KMT2E: variants seen among roughly 807,000 people sequenced by gnomAD.
The protein encoded by KMT2E is histone reader KMT2E.
KMT2E carries 30 observed loss-of-function variants against 184.6 expected under a neutral mutation model. That is an observed-to-expected ratio of 0.16 (90% CI 0.12 to 0.22). The LOEUF (loss-of-function observed/expected upper bound fraction) is 0.22, where lower values mean the gene tolerates loss of function less well. Among genes scored for constraint, KMT2E ranks in the 10% least tolerant of loss-of-function variants. The pLI is 1.00. For missense variants in KMT2E, 2,023 were observed against 2,237.4 expected (o/e 0.90, Z 1.93); for synonymous variants, 815 against 776.5 (o/e 1.05, Z -0.82).
chr7:105,073,812 A>ATTGCATACTCTCT, intron 7 of KMT2E, 135 bp downstream of exon 7: 1 of 578,860 alleles, frequency 1.7e-6, no homozygotes, highest in Non-Finnish European at 3.1e-6. Context: ...TTGTACAGAG[A>ATTGCATACTCTCT]GTATGCAATC....
intron 8 of KMT2E, 149 bp downstream of exon 8, chr7:105,074,964 A>T (rs1482904728): frequency 1.7e-6 from 1 of 590,432 alleles, no homozygotes; most frequent in African/African-American, 1.9e-5. Flanking sequence ...AACTTACTTG[A>T]ACATTTTAAC....
chr7:105,015,160 C>A (rs1422327004), intron 1 of KMT2E, among the ~76,000 whole-genome samples: 1 of 152,158 alleles, frequency 6.6e-6, no homozygotes, highest in African/African-American at 2.4e-5. Flanking sequence ...TCTCCTCCCC[C>A]ACTCCTTTTG....
intron 3 of KMT2E, among the ~76,000 whole-genome samples, chr7:105,050,634 TTC>T (rs1273951865): frequency 2.1e-5 from 3 of 139,990 alleles, no homozygotes; most frequent in South Asian, 4.5e-4. Flanking sequence ...TTCTTTTCTT[TTC>T]TCTTTTCTTT....
At position 105,053,145 on chromosome 7, in the gene KMT2E, C is replaced by T. The variant is rs953299562; in HGVS notation, c.72-9019C>T. Among the ~76,000 whole-genome samples, 32 of 152,010 alleles carry T rather than the reference C, an allele frequency of 2.1e-4. No homozygotes were observed. In the East Asian group the frequency reaches 5.4e-3, roughly 26 times the overall value. On this transcript the variant is annotated intron_variant, in intron 3 of 26. Coordinates refer to ENST00000311117, the MANE Select transcript of KMT2E (RefSeq NM_182931.3). Reference sequence around the variant, plus strand: ...TATTGAATGCTAAGTTTTTTTAAGTCGCGGTTTTGGTTAATACCTGTTTTG... The same window carrying T: ...TATTGAATGCTAAGTTTTTTTAAGTTGCGGTTTTGGTTAATACCTGTTTTG...
At chr7:105,044,161 TAGTG>T (rs1241601818) in intron 3 of KMT2E, among the ~76,000 whole-genome samples, 1 of 152,186 alleles carries the variant, frequency 6.6e-6, no homozygotes, top group African/African-American at 2.4e-5. Flanking sequence ...TTTGTAAAGT[TAGTG>T]AAGCAATGAA....
intron 3 of KMT2E, among the ~76,000 whole-genome samples, chr7:105,051,057 CCTTT>C (rs1316920374): frequency 6.6e-6 from 1 of 150,590 alleles, no homozygotes; most frequent in African/African-American, 2.4e-5. Context: ...TTCTTTCTTT[CCTTT>C]TCTTTCTTTC....
intron 1 of KMT2E, among the ~76,000 whole-genome samples, chr7:105,033,022 A>G (rs1447198126): frequency 3.9e-5 from 6 of 152,200 alleles, no homozygotes; most frequent in African/African-American, 1.4e-4. Flanking sequence ...AGGTGTGGAC[A>G]TTCCCCTGGT....
rs779938365 is a variant in KMT2E at position 105,112,849 on chromosome 7, C to T, written c.5093C>T (p.Thr1698Ile). Residue 1698 changes from threonine to isoleucine, a missense_variant, in exon 27 of 27, where the codon ACA becomes ATA. Thr to Ile is a moderately conservative substitution (Grantham distance 89). Coordinates refer to ENST00000311117, the MANE Select transcript of KMT2E (RefSeq NM_182931.3). ...CACCATCCACCACCCCATCCATCCA[C>T]AGGACTCCAAGGTCTACAAGCACAA... ...PHHHPPPHPS[T>I]GLQGLQAQHQ... is the part of the protein sequence containing the mutation. The T allele has an allele frequency of 6.2e-7, 1 of 1,605,612 alleles. No individual in the cohort carries two copies. Among genetic ancestry groups the T allele is most frequent in the Non-Finnish European group, 8.5e-7 (1 of 1,176,370 alleles).
chr7:105,102,314 C>T, intron 17 of KMT2E, 120 bp downstream of exon 17: 1 of 716,034 alleles, frequency 1.4e-6, no homozygotes, highest in Non-Finnish European at 2.1e-6. Flanking sequence ...TTTATACTTG[C>T]AGATTTTAAA....
At chr7:105,041,203 C>T (rs1297977582) in intron 3 of KMT2E, among the ~76,000 whole-genome samples, 180 bp downstream of exon 3, 1 of 150,896 alleles carries the variant, frequency 6.6e-6, no homozygotes, top group East Asian at 1.9e-4. Flanking sequence ...TGATTGCTAT[C>T]TTTGTTTTCC....
chr7:105,074,446 A>T (rs547103419), intron 7 of KMT2E, among the ~76,000 whole-genome samples, 197 bp from the exon 8 acceptor site: 1 of 152,286 alleles, frequency 6.6e-6, no homozygotes, highest in East Asian at 1.9e-4. Context: ...AGGCTTTTGG[A>T]TCCTTTCTAG....
intron 3 of KMT2E, among the ~76,000 whole-genome samples, chr7:105,049,906 A>G (rs1326088740): frequency 1.3e-5 from 2 of 152,016 alleles, no homozygotes; most frequent in Non-Finnish European, 2.9e-5. Context: ...AAGATAAAGA[A>G]AAAAGAAAAA....
intron 1 of KMT2E, among the ~76,000 whole-genome samples, chr7:105,034,621 T>A (rs986922460): frequency 6.6e-6 from 1 of 152,116 alleles, no homozygotes; most frequent in African/African-American, 2.4e-5. Context: ...TAGATTTAGT[T>A]CTGTGCATTA....
At chr7:105,025,123 A>C (rs972577556) in intron 1 of KMT2E, among the ~76,000 whole-genome samples, 1 of 152,126 alleles carries the variant, frequency 6.6e-6, no homozygotes, top group Admixed American at 6.5e-5. Flanking sequence ...AAAGTAACAT[A>C]TGTTTATTAA....
intron 12 of KMT2E, among the ~76,000 whole-genome samples, chr7:105,080,565 T>G (rs917710592): frequency 3.3e-5 from 5 of 152,200 alleles, no homozygotes; most frequent in African/African-American, 4.8e-5. Flanking sequence ...CAGACTTAAA[T>G]TTATTTCTTC....
At position 105,112,615 on chromosome 7, in the gene KMT2E, A is replaced by T. The variant is rs1799359844; in HGVS notation, c.4859A>T (p.Gln1620Leu). The T allele has an allele frequency of 2.5e-6, 4 of 1,613,522 alleles. No homozygotes were observed. The South Asian group carries it at 4.4e-5, about 18-fold the overall frequency. The change falls in exon 27 of 27, where the codon CAA (glutamine) becomes CTA (leucine). Residue 1620 changes from glutamine to leucine, a missense_variant. Around this residue, in one of 8 missense-constraint regions of KMT2E, gnomAD observed 1,108 missense variants for 1,050.9 expected, o/e 1.05. Coordinates refer to ENST00000311117, the MANE Select transcript of KMT2E (RefSeq NM_182931.3). ...TCTCAGAACCCTACCATTCACCATC[A>T]AACTGCTGCTGCCGTAGTCCCCCCT... is the stretch of plus-strand genomic sequence containing the variant. The part of the protein sequence containing the change: ...LPSQNPTIHH[Q>L]TAAAVVPPPP...
intron 15 of KMT2E, among the ~76,000 whole-genome samples, chr7:105,094,367 G>A (rs1307549672): frequency 6.6e-6 from 1 of 152,136 alleles, no homozygotes; most frequent in Non-Finnish European, 1.5e-5. Context: ...TTCCACCTGT[G>A]ACAAGATAGA....
intron 3 of KMT2E, among the ~76,000 whole-genome samples, chr7:105,048,653 T>A (rs1464505982): frequency 1.3e-5 from 2 of 152,250 alleles, no homozygotes; most frequent in African/African-American, 4.8e-5. Context: ...AGAGCAAGGA[T>A]CAGCAGAACT....
chr7:105,071,296 G>A (rs571233363), intron 6 of KMT2E, among the ~76,000 whole-genome samples: 4 of 151,756 alleles, frequency 2.6e-5, no homozygotes, highest in African/African-American at 7.2e-5. Context: ...AGTGATAAAT[G>A]TATATATAAA....
Sources: gnomAD v4.1 joint callset for allele counts (sites outside exome capture counted in the v4.1 genomes callset) on GRCh38, gnomAD v4.1.1 for gene constraint, gnomAD v4.1.1 regional missense constraint, MANE v1.5 for transcripts, NCBI Gene and HGNC (gene_info 2026-07-23, HGNC 2026-07-21) for gene names.